CGREF1: variants seen among roughly 807,000 people sequenced by gnomAD.
CGREF1 encodes the protein cell growth regulator with EF-hand domain 1, also known as cell growth regulator with EF hand domain protein 1.
Under a neutral mutation model 17.4 loss-of-function variants are expected in CGREF1, and 16 were observed. That is an observed-to-expected ratio of 0.92 (90% confidence interval 0.62 to 1.40). The LOEUF (loss-of-function observed/expected upper bound fraction) is 1.40. Among genes scored for constraint, CGREF1 ranks in the 40% most tolerant of loss-of-function variants. The pLI, the probability that CGREF1 is intolerant of heterozygous loss-of-function variation, is 0.00. For missense variants in CGREF1, 296 were observed against 376.4 expected (o/e 0.79, Z 1.77); for synonymous variants, 142 against 154.6 (o/e 0.92, Z 0.61).
downstream of CGREF1, chr2:27,100,131 C>A: frequency 1.9e-6 from 1 of 537,140 alleles, no homozygotes. Context: ...GGGCTTGCCA[C>A]CAGCTCTGCC....
chr2:27,099,527 T>C (rs1294371141), downstream of CGREF1: 2 of 1,614,040 alleles, frequency 1.2e-6, no homozygotes, highest in South Asian at 1.1e-5. Context: ...GTGGATACAC[T>C]GGGAGCTGGA....
chr2:27,114,012 T>G (rs1671486755), intron 1 of CGREF1, among the ~76,000 whole-genome samples: 1 of 148,432 alleles, frequency 6.7e-6, no homozygotes, highest in East Asian at 1.9e-4. Context: ...TTTTTTTTTT[T>G]TGAGACAGAG....
intron 1 of CGREF1, among the ~76,000 whole-genome samples, chr2:27,111,885 C>T (rs1176496937): frequency 6.6e-6 from 1 of 152,230 alleles, no homozygotes; most frequent in Non-Finnish European, 1.5e-5. Flanking sequence ...GAGCCGGCTC[C>T]GGCCTTGGCC....
At chr2:27,099,994 G>A (rs1670710213), downstream of CGREF1, 15 of 788,944 alleles carry the variant, frequency 1.9e-5, no homozygotes, top group Admixed American at 3.1e-4. Flanking sequence ...TGTCTGAACT[G>A]CTCTGGCTGG....
In CGREF1 at chr2:27,101,908, G is replaced by A. The variant is rs755426340; in HGVS notation, c.343-20C>T. On this transcript the variant is annotated intron_variant, in intron 5 of 5. Transcript: ENST00000402394. ...GATCACCTGTGGAAGCAGAGTCACT[G>A]TGGGGTCTCCAGGGACAGAGATGTT... is the stretch of plus-strand genomic sequence containing the variant. 1.9e-6 allele frequency: 3 copies of A among 1,606,062 alleles called. No homozygotes were observed. Among genetic ancestry groups the A allele is most frequent in the Admixed American group, 3.3e-5 (2 of 59,894 alleles).
chr2:27,099,558 C>T (rs770353880), downstream of CGREF1: 7 of 1,614,052 alleles, frequency 4.3e-6, no homozygotes, highest in Non-Finnish European at 5.9e-6. Flanking sequence ...ATGCCTCCGT[C>T]ATCTTCAGCC....
intron 1 of CGREF1, among the ~76,000 whole-genome samples, chr2:27,111,804 G>GCCGGCAAGCGCCGCGCGCAGC (rs1671399419): frequency 6.6e-6 from 1 of 151,968 alleles, no homozygotes; most frequent in Non-Finnish European, 1.5e-5. Context: ...ACTCGCGCTG[G>GCCGGCAAGCGCCGCGCGCAGC]CCGGCAAGCG....
At position 27,100,611 on chromosome 2, in the gene CGREF1, T is replaced by C; in HGVS notation, c.*663A>G. 5 of 1,208,532 alleles carry C rather than the reference T, an allele frequency of 4.1e-6. No individual in the cohort carries two copies. Among genetic ancestry groups the C allele is most frequent in the Non-Finnish European group, 5.4e-6 (5 of 919,998 alleles). The allele number at this position is 1,208,532 out of a possible 1,614,324, so 74.9% of individuals were successfully genotyped here. ...GACAGACCTGGATTAAAATCTGCCA[T>C]TTAATTAGCTGCATATCACCTTAGG... On this transcript the variant is annotated 3_prime_UTR_variant, in exon 6 of 6. Coordinates refer to ENST00000402394, the MANE Select transcript of CGREF1 (RefSeq NM_006569.6).
At chr2:27,102,070 C>G (rs570409983) in intron 5 of CGREF1, 27 bp downstream of exon 5, 2 of 1,587,802 alleles carry the variant, frequency 1.3e-6, no homozygotes, top group East Asian at 2.3e-5. Context: ...CTCCTTTATG[C>G]GGGGATCTCC....
chr2:27,115,952 G>A (rs1671549110), intron 1 of CGREF1, among the ~76,000 whole-genome samples: 1 of 152,098 alleles, frequency 6.6e-6, no homozygotes, highest in Non-Finnish European at 1.5e-5. Flanking sequence ...AATGGCTCAC[G>A]CCTGTAATCC....
intron 3 of CGREF1, 35 bp from the exon 4 acceptor site, chr2:27,102,465 T>C: frequency 1.2e-6 from 2 of 1,613,048 alleles, no homozygotes; most frequent in Non-Finnish European, 1.7e-6. Context: ...CCGGGAGAGG[T>C]GAGTCTGCAG....
Position 27,101,859 on chromosome 2 carries a change from C to G in CGREF1, c.372G>C (p.Glu124Asp). 6.2e-7 allele frequency: 1 copy of G among 1,613,404 alleles called. No individual in the cohort carries two copies. Among genetic ancestry groups the G allele is most frequent in the South Asian group, 1.1e-5 (1 of 91,082 alleles). ...GCCCATCCCCATTCAGGTCCTGGGTCTCGAGCACTTTGTCCACTATCAAGA... is the reference window on the plus strand; with the variant it reads ...GCCCATCCCCATTCAGGTCCTGGGTGTCGAGCACTTTGTCCACTATCAAGA... The part of the protein sequence containing the change: ...PVILIVDKVL[E>D]TQDLNGDGLM... Residue 124 changes from glutamate (E) to aspartate (D), a missense_variant, in exon 6 of 6, where the codon GAG (glutamate) becomes GAC (aspartate). Glu to Asp is a conservative substitution (Grantham distance 45). Coordinates refer to ENST00000402394, the MANE Select transcript of CGREF1 (RefSeq NM_006569.6).
downstream of CGREF1, chr2:27,099,748 TGA>T (rs1558453998): frequency 6.2e-7 from 1 of 1,613,876 alleles, no homozygotes; most frequent in South Asian, 1.1e-5. Flanking sequence ...TGGCATCGTG[TGA>T]GAGCAGGTGC....
downstream of CGREF1, chr2:27,099,829 G>A (rs75067630): frequency 1.9e-3 from 2,986 of 1,564,760 alleles, 52 homozygotes; most frequent in African/African-American, 0.035. Flanking sequence ...CCAGCCTGGC[G>A]TCCAGGTTGC....
At position 27,115,255 on chromosome 2, in the gene CGREF1, C is replaced by T. The variant is rs7572999; in HGVS notation, c.-12+3591G>A. On this transcript the variant is annotated intron_variant, in intron 1 of 5. Transcript: ENST00000402394. Reference sequence around the variant, plus strand: ...AGCCCTGCAAATTATGCACCTGGTCCTGAGTCCTACCCCGTGAATGACTAT... The same window carrying T: ...AGCCCTGCAAATTATGCACCTGGTCTTGAGTCCTACCCCGTGAATGACTAT... Among the ~76,000 whole-genome samples, 1,300 of 152,218 alleles carry T rather than the reference C, an allele frequency of 8.5e-3. 6 individuals are homozygous for T. The highest frequency in any genetic ancestry group is 0.014 in the Middle Eastern group (4 of 294).
chr2:27,104,510 G>C (rs941874908), intron 1 of CGREF1, 133 bp from the exon 2 acceptor site: 3 of 1,551,174 alleles, frequency 1.9e-6, no homozygotes, highest in Non-Finnish European at 2.6e-6. Context: ...CTCCTGCTCA[G>C]GGAGGACTCA....
At chr2:27,099,476 G>A, downstream of CGREF1, 2 of 1,614,138 alleles carry the variant, frequency 1.2e-6, no homozygotes, top group Non-Finnish European at 1.7e-6. Flanking sequence ...GGCCCTGATG[G>A]CAAATTGCTC....
chr2:27,116,555 G>A (rs1419193765), intron 1 of CGREF1, among the ~76,000 whole-genome samples: 1 of 151,166 alleles, frequency 6.6e-6, no homozygotes, highest in Non-Finnish European at 1.5e-5. Flanking sequence ...AAAAGTAAAT[G>A]ATGTGGACTT....
chr2:27,099,760 C>A (rs774645800), downstream of CGREF1: 12 of 1,613,236 alleles, frequency 7.4e-6, no homozygotes, highest in East Asian at 2.5e-4. Context: ...AGAGCAGGTG[C>A]CGGCTCCTCA....
Sources: gnomAD v4.1 joint callset for allele counts (sites outside exome capture counted in the v4.1 genomes callset) on GRCh38, gnomAD v4.1.1 for gene constraint, MANE v1.5 for transcripts, NCBI Gene and HGNC (gene_info 2026-07-23, HGNC 2026-07-21) for gene names.